Variants in ALS2 observed in about 807,000 individuals in gnomAD.
ALS2 encodes alsin Rho guanine nucleotide exchange factor ALS2.
A neutral mutation model predicts 203.4 loss-of-function variants in ALS2; 117 were observed. The observed-to-expected ratio is 0.58, with a 90% CI of 0.50 to 0.67. The LOEUF is 0.67. ALS2 is among the 30% of genes least tolerant of loss of function. ALS2 has a pLI of 0.00. For synonymous variants in ALS2, 718 were observed against 725.9 expected, an observed-to-expected ratio of 0.99 and a Z score of 0.17; for missense variants, 1,715 against 1,989.4, an observed-to-expected ratio of 0.86 and a Z score of 2.62.
At position 201,724,362 on chromosome 2, in the gene ALS2, TAGG is replaced by T. The variant is rs2106001109; in HGVS notation, c.3442_3444del (p.Pro1148del). On this transcript the variant is annotated inframe_deletion, in exon 21 of 34. Coordinates refer to ENST00000264276, the MANE Select transcript of ALS2 (RefSeq NM_020919.4). ...ATTACCCACTGGCCAATGAACATAC[TAGG>T]AGAAGAGGACGTCAATTTCCCACTT... 6.2e-7 allele frequency: 1 copy of T among 1,613,900 alleles called. No individual in the cohort carries two copies. Among genetic ancestry groups the T allele is most frequent in the Non-Finnish European group, 8.5e-7 (1 of 1,179,828 alleles).
At chr2:201,775,937 T>C (rs1694638249) in intron 1 of ALS2, among the ~76,000 whole-genome samples, 1 of 152,208 alleles carries the variant, frequency 6.6e-6, no homozygotes, top group Admixed American at 6.5e-5. Flanking sequence ...CGGTATACTC[T>C]TGTACCCATA....
At chr2:201,726,463 T>C (rs1691170988) in intron 19 of ALS2, 21 bp downstream of exon 19, 5 of 1,602,798 alleles carry the variant, frequency 3.1e-6, no homozygotes, top group Non-Finnish European at 3.4e-6. Context: ...TTTACTGTCA[T>C]GTTTTACACA....
intron 8 of ALS2, among the ~76,000 whole-genome samples, chr2:201,748,386 C>T (rs1025684572): frequency 6.6e-6 from 1 of 152,150 alleles, no homozygotes; most frequent in African/African-American, 2.4e-5. Flanking sequence ...TCTCACTCTG[C>T]CTTCACTTTT....
In ALS2 at chr2:201,757,506, T is replaced by C; in HGVS notation, c.1367A>G (p.Gln456Arg). 1 of 1,614,022 alleles carries C rather than the reference T, an allele frequency of 6.2e-7. No individual in the cohort carries two copies. The highest frequency in any genetic ancestry group is 1.3e-5 in the African/African-American group (1 of 75,050). ...ACTTTTCTTTCCTTGCATTGATTCCTGTTTAACCTGTTCTTCCCTGCTATC... is the reference window on the plus strand; with the variant it reads ...ACTTTTCTTTCCTTGCATTGATTCCCGTTTAACCTGTTCTTCCCTGCTATC... ...LKDSREEQVK[Q>R]ESMQGKKSSS... is the part of the protein sequence containing the mutation. Residue 456 changes from glutamine to arginine, a missense_variant, in exon 5 of 34, where the codon CAG (glutamine) becomes CGG (arginine). Transcript: ENST00000264276.
chr2:201,726,785 T>C lies in ALS2; in HGVS notation c.3061A>G (p.Ser1021Gly). 6.2e-7 allele frequency: 1 copy of C among 1,614,174 alleles called. No individual in the cohort carries two copies. Among genetic ancestry groups the C allele is most frequent in the Non-Finnish European group, 8.5e-7 (1 of 1,180,012 alleles). Residue 1021 changes from serine to glycine, a missense_variant, in exon 18 of 34, where the codon AGC becomes GGC. Ser to Gly is a moderately conservative substitution (Grantham distance 56). This residue lies in a region of ALS2 where 1,227 missense variants were observed against 1,413.5 expected (regional missense o/e 0.87). Transcript: ENST00000264276. The part of the protein sequence containing the change: ...MSDLPPYGSG[S>G]SVQRQEPPIS... ...GGTGGTTCCTGTCTCTGAACACTGC[T>C]ACCACTTCCATAAGGGGGGAGATCA... is the stretch of plus-strand genomic sequence containing the variant.
chr2:201,731,881 T>A (rs1691578600), intron 13 of ALS2, among the ~76,000 whole-genome samples: 1 of 152,190 alleles, frequency 6.6e-6, no homozygotes, highest in Non-Finnish European at 1.5e-5. Context: ...CAAAGAGGGC[T>A]TTATTTTCAT....
chr2:201,724,507 A>G, intron 20 of ALS2, 48 bp from the exon 21 acceptor site: 1 of 1,594,860 alleles, frequency 6.3e-7, no homozygotes, highest in Non-Finnish European at 8.6e-7. Context: ...TTGAATTCTG[A>G]TGCTCATTTT....
chr2:201,722,368 A>G (rs1420418860), intron 23 of ALS2: 1 of 152,302 alleles, frequency 6.6e-6, no homozygotes, highest in Non-Finnish European at 1.5e-5. Context: ...TAGTATCCTC[A>G]GACATTGCTG....
At chr2:201,774,480 G>C (rs759336792) in intron 1 of ALS2, among the ~76,000 whole-genome samples, 1 of 152,146 alleles carries the variant, frequency 6.6e-6, no homozygotes. Flanking sequence ...ATCCCACCCT[G>C]CTATACATTT....
chr2:201,727,959 C>A (rs1405844724), intron 15 of ALS2, among the ~76,000 whole-genome samples, 184 bp from the exon 16 acceptor site: 1 of 152,180 alleles, frequency 6.6e-6, no homozygotes, highest in Non-Finnish European at 1.5e-5. Context: ...ACACAGCTAA[C>A]CCAAAGGGCC....
rs1467285046 is a variant in ALS2 at position 201,723,447 on chromosome 2, C to T, written c.3513-6G>A. The stretch of plus-strand genomic sequence containing the variant: ...TTCCCATATACTTTTCCCCCCTGCA[C>T]AGAAATAAAAAGAAAAGAAAAAGCA... On this transcript the variant is annotated splice_polypyrimidine_tract_variant and splice_region_variant and intron_variant, in intron 21 of 33. Transcript: ENST00000264276. 1.2e-6 allele frequency: 2 copies of T among 1,606,226 alleles called. No individual in the cohort carries two copies. Among genetic ancestry groups the T allele is most frequent in the East Asian group, 4.5e-5 (2 of 44,834 alleles).
At chr2:201,717,423 G>A (rs545426262) in intron 24 of ALS2, among the ~76,000 whole-genome samples, 3 of 146,706 alleles carry the variant, frequency 2.0e-5, no homozygotes, top group Non-Finnish European at 3.0e-5. Context: ...CCAAGATCAC[G>A]CCACCACACT....
chr2:201,732,810 C>T (rs1392253235), intron 13 of ALS2, among the ~76,000 whole-genome samples: 1 of 152,154 alleles, frequency 6.6e-6, no homozygotes, highest in Non-Finnish European at 1.5e-5. Context: ...TGAGAAAATC[C>T]TGTAACTGAT....
At chr2:201,765,103 T>A (rs1694010296) in intron 3 of ALS2, among the ~76,000 whole-genome samples, 1 of 152,086 alleles carries the variant, frequency 6.6e-6, no homozygotes, top group Admixed American at 6.5e-5. Context: ...ACTCAAGCTA[T>A]CCTCCTGCCT....
chr2:201,736,749 G>A, intron 12 of ALS2, among the ~76,000 whole-genome samples: 1 of 152,210 alleles, frequency 6.6e-6, no homozygotes, highest in Non-Finnish European at 1.5e-5. Context: ...ATGAGAAACA[G>A]GGGGTACAAC....
chr2:201,743,477 G>A (rs577087134), intron 10 of ALS2, among the ~76,000 whole-genome samples: 2 of 152,170 alleles, frequency 1.3e-5, no homozygotes, highest in Non-Finnish European at 2.9e-5. Flanking sequence ...AACTCATGCT[G>A]AGGGATAAGA....
At chr2:201,730,837 T>C (rs772800952) in intron 13 of ALS2, among the ~76,000 whole-genome samples, 3 of 152,254 alleles carry the variant, frequency 2.0e-5, no homozygotes, top group Non-Finnish European at 2.9e-5. Context: ...ACGCAGTGAC[T>C]ACTAGTATAG....
intron 1 of ALS2, among the ~76,000 whole-genome samples, chr2:201,774,004 T>A (rs150372779): frequency 6.6e-6 from 1 of 152,168 alleles, no homozygotes; most frequent in Non-Finnish European, 1.5e-5. Context: ...GAAAACCAGA[T>A]TGAAGTAAGC....
chr2:201,707,428 G>C (rs1030913198), intron 28 of ALS2, among the ~76,000 whole-genome samples: 6 of 151,388 alleles, frequency 4.0e-5, no homozygotes, highest in Admixed American at 1.3e-4. Context: ...CACCTACCCA[G>C]CTACATTTTT....
Sources: allele counts gnomAD v4.1 joint callset (sites outside exome capture counted in the v4.1 genomes callset), GRCh38; gene constraint gnomAD v4.1.1; regional missense constraint gnomAD v4.1.1; transcripts MANE v1.5; gene names NCBI Gene and HGNC (gene_info 2026-07-23, HGNC 2026-07-21).